The following TBC1D5 variants were observed in gnomAD, a reference collection of about 807,000 sequenced individuals.
The protein encoded by TBC1D5 is TBC1 domain family member 5.
A neutral mutation model predicts 100.3 loss-of-function variants in TBC1D5; 75 were observed. The ratio of observed to expected loss-of-function variants is 0.75; its 90% CI spans 0.62 to 0.91. The LOEUF (loss-of-function observed/expected upper bound fraction) is 0.91, where lower values mean the gene tolerates loss of function less well. Among genes scored for constraint, TBC1D5 ranks in the 40% least tolerant of loss-of-function variants. The pLI is 0.00. For synonymous variants in TBC1D5, 323 were observed against 325.6 expected (o/e 0.99, Z 0.09); for missense variants, 910 against 942.4 (o/e 0.97, Z 0.45).
chr3:17,544,388 C>T (rs1313563464), intron 2 of TBC1D5, among the ~76,000 whole-genome samples: 2 of 152,196 alleles, frequency 1.3e-5, no homozygotes, highest in Non-Finnish European at 2.9e-5. Context: ...CGCACTGGCT[C>T]ACGCTTGTAA....
At chr3:17,522,084 T>A (rs759431309) in intron 2 of TBC1D5, among the ~76,000 whole-genome samples, 3 of 151,928 alleles carry the variant, frequency 2.0e-5, no homozygotes, top group African/African-American at 4.8e-5. Context: ...ACATAACATA[T>A]AAATATATAT....
At chr3:17,317,349 AG>A (rs1237748646) in intron 13 of TBC1D5, among the ~76,000 whole-genome samples, 2 of 152,192 alleles carry the variant, frequency 1.3e-5, no homozygotes, top group Non-Finnish European at 2.9e-5. Context: ...GAAGGCAGGG[AG>A]AGACAGGGAG....
At chr3:17,237,917 T>C (rs1468130744) in intron 17 of TBC1D5, among the ~76,000 whole-genome samples, 3 of 152,172 alleles carry the variant, frequency 2.0e-5, no homozygotes, top group Non-Finnish European at 4.4e-5. Flanking sequence ...CATGCCATCA[T>C]ACTGTATGGG....
intron 3 of TBC1D5, among the ~76,000 whole-genome samples, chr3:17,485,266 A>G (rs2095548448): frequency 6.6e-6 from 1 of 151,582 alleles, no homozygotes; most frequent in Non-Finnish European, 1.5e-5. Context: ...ATTACTTTTA[A>G]AGATAGAATT....
At chr3:17,460,097 C>T (rs2095174087) in intron 3 of TBC1D5, among the ~76,000 whole-genome samples, 1 of 152,178 alleles carries the variant, frequency 6.6e-6, no homozygotes, top group African/African-American at 2.4e-5. Context: ...GAGTCAGGTA[C>T]TTCAAGCCAA....
At chr3:17,170,469 C>T (rs964190777) in intron 19 of TBC1D5, among the ~76,000 whole-genome samples, 6 of 152,138 alleles carry the variant, frequency 3.9e-5, no homozygotes, top group African/African-American at 1.4e-4. Flanking sequence ...CTGCAGAAAC[C>T]GATGTAAGCT....
chr3:17,680,595 A>G (rs955743660), intron 1 of TBC1D5, among the ~76,000 whole-genome samples: 2 of 151,310 alleles, frequency 1.3e-5, no homozygotes, highest in Non-Finnish European at 2.9e-5. Context: ...GCCAAACTAA[A>G]GTCAAATATA....
At chr3:17,305,759 T>A (rs934788471) in intron 14 of TBC1D5, among the ~76,000 whole-genome samples, 1 of 152,170 alleles carries the variant, frequency 6.6e-6, no homozygotes, top group African/African-American at 2.4e-5. Context: ...CCATTCTCCC[T>A]CTCCTATCAT....
chr3:17,462,340 T>TTTTTG (rs2095228685), intron 3 of TBC1D5, among the ~76,000 whole-genome samples: 1 of 151,252 alleles, frequency 6.6e-6, no homozygotes. Flanking sequence ...TTTTTTTTTT[T>TTTTTG]TGAGCCAGGG....
At chr3:17,420,743 A>G (rs1209848393) in intron 4 of TBC1D5, among the ~76,000 whole-genome samples, 1 of 152,196 alleles carries the variant, frequency 6.6e-6, no homozygotes, top group African/African-American at 2.4e-5. Context: ...ACTGACAGCA[A>G]GGCATTTCAA....
At chr3:17,238,122 C>T in intron 17 of TBC1D5, 41 bp downstream of exon 17, 6 of 1,588,468 alleles carry the variant, frequency 3.8e-6, no homozygotes, top group Non-Finnish European at 5.1e-6. Context: ...CCAGGCTACA[C>T]CATGAATGTT....
intron 2 of TBC1D5, among the ~76,000 whole-genome samples, chr3:17,539,569 T>C (rs1476870566): frequency 6.6e-6 from 1 of 152,176 alleles, no homozygotes; most frequent in Non-Finnish European, 1.5e-5. Context: ...GTCTTATCGC[T>C]ACAAAAAGTC....
At chr3:17,424,551 CAAT>C (rs1350732922) in intron 4 of TBC1D5, among the ~76,000 whole-genome samples, 11 of 152,202 alleles carry the variant, frequency 7.2e-5, no homozygotes, top group South Asian at 2.1e-4. Flanking sequence ...ACAAAACCAA[CAAT>C]GTCTTCTCAA....
intron 5 of TBC1D5, 115 bp downstream of exon 5, chr3:17,406,303 G>T: frequency 3.7e-6 from 3 of 812,968 alleles, no homozygotes; most frequent in Non-Finnish European, 3.8e-6. Flanking sequence ...CAAAATAATG[G>T]GAGTGAAGTC....
intron 1 of TBC1D5, among the ~76,000 whole-genome samples, chr3:17,634,838 C>T (rs1398578703): frequency 6.6e-6 from 1 of 151,868 alleles, no homozygotes. Flanking sequence ...TCCCATGTAC[C>T]CTATACTATG....
intron 4 of TBC1D5, among the ~76,000 whole-genome samples, chr3:17,413,730 T>C (rs1362802539): frequency 2.6e-5 from 4 of 152,204 alleles, no homozygotes; most frequent in African/African-American, 9.7e-5. Context: ...TGATACACTA[T>C]GGAAAACACT....
intron 3 of TBC1D5, among the ~76,000 whole-genome samples, chr3:17,454,529 G>A (rs937468856): frequency 2.0e-5 from 3 of 151,688 alleles, no homozygotes; most frequent in Non-Finnish European, 2.9e-5. Flanking sequence ...GTACGATCTC[G>A]GCTCACTGCA....
intron 13 of TBC1D5, among the ~76,000 whole-genome samples, chr3:17,345,336 C>T (rs1327670847): frequency 1.3e-5 from 2 of 152,120 alleles, no homozygotes; most frequent in East Asian, 1.9e-4. Context: ...TCATCACTGG[C>T]CATCAGAGAA....
At chr3:17,487,362 A>C (rs1488421806) in intron 3 of TBC1D5, among the ~76,000 whole-genome samples, 1 of 152,214 alleles carries the variant, frequency 6.6e-6, no homozygotes, top group African/African-American at 2.4e-5. Flanking sequence ...GTTTATGTAA[A>C]AATATGAGTT....
Sources: gnomAD v4.1 joint callset for allele counts (sites outside exome capture counted in the v4.1 genomes callset) on GRCh38, gnomAD v4.1.1 for gene constraint, MANE v1.5 for transcripts, NCBI Gene and HGNC (gene_info 2026-07-23, HGNC 2026-07-21) for gene names.